Variants in CLPTM1 observed in about 807,000 individuals in gnomAD.
CLPTM1 encodes the protein CLPTM1 regulator of GABA type A receptor forward trafficking.
CLPTM1 carries 21 observed loss-of-function variants against 77.3 expected under a neutral mutation model. That is an observed-to-expected ratio of 0.27 (90% confidence interval 0.19 to 0.39). The LOEUF (loss-of-function observed/expected upper bound fraction) is 0.39. CLPTM1 is among the 10% of genes least tolerant of loss of function. CLPTM1 has a pLI of 1.00. For missense variants in CLPTM1, 642 were observed against 921.2 expected (o/e 0.70, Z 3.92); for synonymous variants, 373 against 381.0 (o/e 0.98, Z 0.24).
chr19:44,955,219 TGGCCA>T, upstream of CLPTM1: 1 of 1,521,464 alleles, frequency 6.6e-7, no homozygotes, highest in South Asian at 1.2e-5. Context: ...ACGAGTACGG[TGGCCA>T]GGTTGGTCCT....
rs769001973 is a variant in CLPTM1, at chr19:44,973,145, C to G, written c.244C>G (p.Gln82Glu). ...CCGCCGAGGGCCGGCCCCTCAGGAC[C>G]AGGCGGGCCCCGGAGGAGCTCCACG... Reference protein sequence around the residue: ...WFRRGPAPQDQAGPGGAPRVA... With the variant: ...WFRRGPAPQDEAGPGGAPRVA... The change falls in exon 3 of 14, where the codon CAG (glutamine) becomes GAG (glutamate). Residue 82 changes from glutamine (Q) to glutamate (E), a missense_variant. Transcript: ENST00000337392. The G allele has an allele frequency of 1.5e-5, 25 of 1,613,976 alleles. No individual in the cohort carries two copies. Among genetic ancestry groups the G allele is most frequent in the Non-Finnish European group, 1.9e-5 (23 of 1,179,986 alleles).
Position 44,991,200 on chromosome 19 carries a change from G to A in CLPTM1, c.1420-38G>A. ...GGGAGCAGGGCTGCCAGGCAGGGCT[G>A]AGGAGCTGGCTGACAGCCCCACCCT... On this transcript the variant is annotated intron_variant, in intron 11 of 13. Coordinates refer to ENST00000337392, the MANE Select transcript of CLPTM1 (RefSeq NM_001294.4). This position sits in a 1 kb window ranked among gnomAD's most constrained non-coding sequence, Gnocchi z 5.4. 6.2e-7 allele frequency: 1 copy of A among 1,611,930 alleles called. No individual in the cohort carries two copies. Among genetic ancestry groups the A allele is most frequent in the Non-Finnish European group, 8.5e-7 (1 of 1,178,756 alleles).
chr19:44,986,824 T>A (rs1970986278), intron 7 of CLPTM1: 1 of 544,764 alleles, frequency 1.8e-6, no homozygotes, highest in Non-Finnish European at 3.2e-6. Flanking sequence ...GCCCACAAAC[T>A]GTTTTCAAAA....
chr19:44,955,714 G>T (rs1600001649), intron 1 of CLPTM1: 1 of 381,860 alleles, frequency 2.6e-6, no homozygotes, highest in Non-Finnish European at 4.6e-6. Flanking sequence ...TGCTCGATCC[G>T]GGGAGACAGT....
intron 6 of CLPTM1, among the ~76,000 whole-genome samples, chr19:44,986,143 T>C (rs889262474): frequency 6.6e-6 from 1 of 151,858 alleles, no homozygotes; most frequent in African/African-American, 2.4e-5. Flanking sequence ...AGCCCGGAAG[T>C]TCAAGATCAG....
chr19:44,960,499 G>T (rs933047421), intron 1 of CLPTM1, among the ~76,000 whole-genome samples: 1 of 152,186 alleles, frequency 6.6e-6, no homozygotes, highest in Non-Finnish European at 1.5e-5. Flanking sequence ...GACTATAGCT[G>T]AGGTCTGTTT....
At chr19:44,972,736 G>A (rs1490653861) in intron 2 of CLPTM1, among the ~76,000 whole-genome samples, 1 of 151,954 alleles carries the variant, frequency 6.6e-6, no homozygotes, top group Non-Finnish European at 1.5e-5. Flanking sequence ...GGGGATCCCA[G>A]GGGGCTGGAT....
chr19:44,955,772 T>C, intron 1 of CLPTM1: 1 of 318,728 alleles, frequency 3.1e-6, no homozygotes, highest in Non-Finnish European at 5.7e-6. Context: ...GGTTCTCAAC[T>C]CCGCGATTCC....
chr19:44,977,659 C>T (rs1474455500), intron 5 of CLPTM1, among the ~76,000 whole-genome samples, 199 bp downstream of exon 5: 1 of 152,098 alleles, frequency 6.6e-6, no homozygotes, highest in African/African-American at 2.4e-5. Flanking sequence ...GGGATACCCA[C>T]GGAGGAAGGG....
chr19:44,955,426 C>A lies in CLPTM1; in HGVS notation c.31C>A (p.Arg11Ser). ...GGCGGCGCAGGAGGCGGACGGGGCC[C>A]GCAGCGCCGTGGTGGCGGCCGGGGG... MAAAQEADGA[R>S]SAVVAAGGGS... The change falls in exon 1 of 14, where the codon CGC becomes AGC. Residue 11 changes from arginine to serine, a missense_variant. Physicochemically the swap from Arg to Ser is moderately radical, Grantham distance 110 (BLOSUM62 -1). Transcript: ENST00000337392. 7.5e-7 allele frequency: 1 copy of A among 1,331,430 alleles called. No individual in the cohort carries two copies. Among genetic ancestry groups the A allele is most frequent in the Non-Finnish European group, 9.6e-7 (1 of 1,042,670 alleles). The allele number at this position is 1,331,430 out of a possible 1,614,324, so 82.5% of individuals were successfully genotyped here.
At chr19:44,966,955 C>T (rs566530688) in intron 2 of CLPTM1, among the ~76,000 whole-genome samples, 3 of 152,238 alleles carry the variant, frequency 2.0e-5, no homozygotes, top group African/African-American at 7.2e-5. Flanking sequence ...CATTCTCCTG[C>T]CTCAGCCTCC....
At chr19:44,971,426 T>C (rs544843287) in intron 2 of CLPTM1, among the ~76,000 whole-genome samples, 8 of 152,332 alleles carry the variant, frequency 5.3e-5, no homozygotes, top group Middle Eastern at 3.4e-3. Flanking sequence ...TTAAGCCCAC[T>C]GTTACTAAAA....
chr19:44,955,268 G>A, upstream of CLPTM1: 1 of 1,471,550 alleles, frequency 6.8e-7, no homozygotes, highest in Non-Finnish European at 9.0e-7. Flanking sequence ...TGAGAGGCGT[G>A]GCTGCGGCAC....
At position 44,987,608 on chromosome 19, in the gene CLPTM1, T is replaced by C. The variant is rs1279043234; in HGVS notation, c.1038+185T>C. On this transcript the variant is annotated intron_variant, in intron 8 of 13. Coordinates refer to ENST00000337392, the MANE Select transcript of CLPTM1 (RefSeq NM_001294.4). ...GGGCACCCAGCCCTCCAGCCCTAGATGACTGGGGGTCCTCTCCCCAGGCTG... is the reference window on the plus strand; with the variant it reads ...GGGCACCCAGCCCTCCAGCCCTAGACGACTGGGGGTCCTCTCCCCAGGCTG... 4 of 733,612 alleles carry C rather than the reference T, an allele frequency of 5.5e-6. No homozygotes were observed. The East Asian group carries it at 8.2e-5, about 15-fold the overall frequency. The allele number at this position is 733,612 out of a possible 1,614,324, so 45.4% of individuals were successfully genotyped here.
In CLPTM1 at chr19:44,992,485, GGCC is replaced by G; in HGVS notation, c.1723+86_1723+88del. 6.3e-7 allele frequency: 1 copy of G among 1,589,994 alleles called. No individual in the cohort carries two copies. Among genetic ancestry groups the G allele is most frequent in the Non-Finnish European group, 8.6e-7 (1 of 1,162,640 alleles). Reference sequence around the variant, plus strand: ...GGGCCCAGGCCTGAGGGGGTGCCACGGCCCCAGATGGGGTGCTCAGTCTGAGGG... The same window carrying G: ...GGGCCCAGGCCTGAGGGGGTGCCACGCCAGATGGGGTGCTCAGTCTGAGGG... On this transcript the variant is annotated intron_variant, in intron 13 of 13. Transcript: ENST00000337392. This position sits in a 1 kb window ranked among gnomAD's most constrained non-coding sequence, Gnocchi z 7.7.
intron 6 of CLPTM1, among the ~76,000 whole-genome samples, 172 bp from the exon 7 acceptor site, chr19:44,986,283 T>A (rs1267646072): frequency 8.3e-3 from 1 of 120 alleles, no homozygotes; most frequent in East Asian, 0.25. Context: ...GGATCGTGCT[T>A]GAGCCCAGAA....
At chr19:44,989,599 T>C (rs1489714567) in intron 9 of CLPTM1, among the ~76,000 whole-genome samples, 2 of 151,640 alleles carry the variant, frequency 1.3e-5, no homozygotes, top group Non-Finnish European at 2.9e-5. Context: ...AGCTCTGGGA[T>C]GGGGTAGGGT....
chr19:44,972,282 C>G (rs144322504), intron 2 of CLPTM1, among the ~76,000 whole-genome samples: 1,747 of 150,760 alleles, frequency 0.012, 34 homozygotes, highest in African/African-American at 0.038. Flanking sequence ...GAGTCTCGCT[C>G]TGTTGCCCAG....
chr19:44,993,211 C>G lies in CLPTM1; in HGVS notation c.*314C>G. 2 of 561,350 alleles carry G rather than the reference C, an allele frequency of 3.6e-6. No individual in the cohort carries two copies. The allele number at this position is 561,350 out of a possible 1,614,324, so 34.8% of individuals were successfully genotyped here. A position where few individuals can be genotyped will look rare whatever the true frequency, so the allele number is the denominator to read the frequency against. ...GGGTTGGGCGGGGGTGGGGCCGGGC[C>G]CCCCTACGGGATGCCCACGGCCGTT... On this transcript the variant is annotated 3_prime_UTR_variant, in exon 14 of 14. Transcript: ENST00000337392.
Sources: gnomAD v4.1 joint callset for allele counts (sites outside exome capture counted in the v4.1 genomes callset) on GRCh38, gnomAD v4.1.1 for gene constraint, Gnocchi (gnomAD v3.1) non-coding constraint, MANE v1.5 for transcripts, NCBI Gene and HGNC (gene_info 2026-07-23, HGNC 2026-07-21) for gene names.